The following WDR33 variants were observed in gnomAD, a reference collection of about 807,000 sequenced individuals.
The protein encoded by WDR33 is pre-mRNA 3' end processing protein WDR33.
In WDR33, 47 loss-of-function variants were observed where a neutral mutation model predicts 164.9. The ratio of observed to expected loss-of-function variants is 0.29; its 90% CI spans 0.23 to 0.36. The LOEUF (loss-of-function observed/expected upper bound fraction) is 0.36, where lower values mean the gene tolerates loss of function less well. Among genes scored for constraint, WDR33 ranks in the 10% least tolerant of loss-of-function variants. The probability of loss-of-function intolerance (pLI) is 1.00; values close to 1 mark genes in which losing one functional copy is unlikely to be tolerated. For synonymous variants in WDR33, 505 were observed against 589.0 expected (o/e 0.86, Z 2.06); for missense variants, 1,137 against 1,754.1 (o/e 0.65, Z 6.28).
At chr2:127,730,329 G>A (rs1001964690) in intron 7 of WDR33, among the ~76,000 whole-genome samples, 1 of 152,054 alleles carries the variant, frequency 6.6e-6, no homozygotes, top group Non-Finnish European at 1.5e-5. Flanking sequence ...TCTTCAGGAA[G>A]AAGTGACTGA....
Position 127,763,253 on chromosome 2 carries a change from C to A in WDR33, c.627-94G>T, listed in dbSNP as rs1045235052. 2.0e-5 allele frequency: 31 copies of A among 1,581,820 alleles called. No individual in the cohort carries two copies. In the African/African-American group the frequency reaches 3.7e-4, roughly 19 times the overall value. On this transcript the variant is annotated intron_variant, in intron 6 of 21. Transcript: ENST00000322313. The surrounding 1 kb of genome is among the most constrained non-coding windows in gnomAD (Gnocchi z 4.5). Reference sequence around the variant, plus strand: ...AGGGAAAAATAAAAACACTGTGCTGCATTATAAACAGGAGAGGGAAGAATC... The same window carrying A: ...AGGGAAAAATAAAAACACTGTGCTGAATTATAAACAGGAGAGGGAAGAATC...
chr2:127,802,595 T>A (rs1416743060), intron 1 of WDR33, among the ~76,000 whole-genome samples: 3 of 152,302 alleles, frequency 2.0e-5, no homozygotes, highest in Non-Finnish European at 2.9e-5. Flanking sequence ...ACTTTTTCAA[T>A]ATAGTATTTA....
At position 127,719,970 on chromosome 2, in the gene WDR33, G is replaced by A. The variant is rs753786703; in HGVS notation, c.2055C>T (p.Gly685=). ...CAGGTGGCCCTTGAGGTCCCAAAGGGCCATGAGGTCCAGGATGCCTCTGCA... is the reference window on the plus strand; with the variant it reads ...CAGGTGGCCCTTGAGGTCCCAAAGGACCATGAGGTCCAGGATGCCTCTGCA... The part of the protein sequence containing the change: ...QGMQRHPGPH[G]PLGPQGPPGP... Residue 685 remains glycine (G), a synonymous_variant, in exon 16 of 22, where the codon GGC becomes GGT. Coordinates refer to ENST00000322313, the MANE Select transcript of WDR33 (RefSeq NM_018383.5). The surrounding 1 kb of genome is among the most constrained non-coding windows in gnomAD (Gnocchi z 6.5). 17 of 1,613,806 alleles carry A rather than the reference G, an allele frequency of 1.1e-5. No homozygotes were observed. In the African/African-American group the frequency reaches 2.1e-4, roughly 20 times the overall value.
rs1687955414 is a variant in WDR33, at chr2:127,770,177, C to T, written c.204+601G>A. 6.6e-6 allele frequency among the ~76,000 whole-genome samples: 1 copy of T among 152,180 alleles called. No individual in the cohort carries two copies. Among genetic ancestry groups the T allele is most frequent in the Admixed American group, 6.5e-5 (1 of 15,276 alleles). ...TAAGACTGGCCTAGCGATTAAAGTA[C>T]TCCCTTCTAATTTGTGAACTTTTAG... On this transcript the variant is annotated intron_variant, in intron 2 of 21. Transcript: ENST00000322313. The surrounding 1 kb of genome is among the most constrained non-coding windows in gnomAD (Gnocchi z 4.9).
At chr2:127,810,947 C>T (rs1337634032) in intron 1 of WDR33, 65 bp downstream of exon 1, 4 of 152,766 alleles carry the variant, frequency 2.6e-5, no homozygotes, top group Non-Finnish European at 4.4e-5. Flanking sequence ...CGGCCGAGCC[C>T]GAAAATGGCG....
intron 1 of WDR33, among the ~76,000 whole-genome samples, chr2:127,795,345 C>T (rs1423280566): frequency 6.6e-6 from 1 of 151,788 alleles, no homozygotes. Flanking sequence ...GTGATCTGCC[C>T]ACCTCAGCCT....
At chr2:127,750,539 C>T (rs951677583) in intron 7 of WDR33, among the ~76,000 whole-genome samples, 1 of 147,632 alleles carries the variant, frequency 6.8e-6, no homozygotes, top group Admixed American at 6.8e-5. Context: ...CCCAGCTACC[C>T]GAGAGGCTGA....
At chr2:127,792,217 G>A (rs1456253620) in intron 1 of WDR33, among the ~76,000 whole-genome samples, 1 of 151,834 alleles carries the variant, frequency 6.6e-6, no homozygotes, top group East Asian at 1.9e-4. Flanking sequence ...GGGATTACAA[G>A]CGTGAGCCAC....
rs1186001202 is a variant in WDR33, at chr2:127,708,665, G to T, written c.3781+12C>A. 1 of 1,585,846 alleles carries T rather than the reference G, an allele frequency of 6.3e-7. No homozygotes were observed. The highest frequency in any genetic ancestry group is 2.2e-5 in the East Asian group (1 of 44,496). On this transcript the variant is annotated intron_variant, in intron 21 of 21. Coordinates refer to ENST00000322313, the MANE Select transcript of WDR33 (RefSeq NM_018383.5). The surrounding 1 kb of genome is among the most constrained non-coding windows in gnomAD (Gnocchi z 6.7). ...GCATCTCCTGGAACCATAACCACTG[G>T]CCTGCTCTTACCTTTGCCTCCTCGG...
At position 127,726,457 on chromosome 2, in the gene WDR33, A is replaced by G. The variant is rs116955025; in HGVS notation, c.851+194T>C. 0.026 allele frequency among the ~76,000 whole-genome samples: 3,923 copies of G among 152,314 alleles called. 167 individuals carry two copies. Among genetic ancestry groups the G allele is most frequent in the South Asian group, 0.17 (826 of 4,822 alleles). On this transcript the variant is annotated intron_variant, in intron 8 of 21. Coordinates refer to ENST00000322313, the MANE Select transcript of WDR33 (RefSeq NM_018383.5). The surrounding 1 kb of genome is among the most constrained non-coding windows in gnomAD (Gnocchi z 4.8). ...TAAACTTAGGTCTATGTGGCAGGACAAAAACAAGCCTTACTTCATTAAGAG... is the reference window on the plus strand; with the variant it reads ...TAAACTTAGGTCTATGTGGCAGGACGAAAACAAGCCTTACTTCATTAAGAG...
intron 1 of WDR33, among the ~76,000 whole-genome samples, chr2:127,772,959 C>CAAAAA (rs72149745): frequency 1.7e-5 from 2 of 117,202 alleles, no homozygotes; most frequent in South Asian, 5.1e-4. Context: ...TCCATCTCTA[C>CAAAAA]AAAAAAAAAA....
chr2:127,757,826 T>C (rs1687563653), intron 7 of WDR33, among the ~76,000 whole-genome samples: 1 of 152,208 alleles, frequency 6.6e-6, no homozygotes, highest in Admixed American at 6.5e-5. Context: ...AAATGTGTCT[T>C]CACACAGTTC....
intron 8 of WDR33, among the ~76,000 whole-genome samples, chr2:127,725,517 A>G (rs1278816373): frequency 6.6e-6 from 1 of 152,106 alleles, no homozygotes; most frequent in Non-Finnish European, 1.5e-5. Context: ...CGAGTGGATC[A>G]CCTGAGGTCA....
chr2:127,777,648 C>T (rs1447803972), intron 1 of WDR33, among the ~76,000 whole-genome samples: 1 of 152,126 alleles, frequency 6.6e-6, no homozygotes, highest in Non-Finnish European at 1.5e-5. Flanking sequence ...TTTTTTGAGA[C>T]AGGGTCTTGC....
intron 1 of WDR33, among the ~76,000 whole-genome samples, chr2:127,785,507 T>C (rs554104148): frequency 6.6e-6 from 1 of 152,352 alleles, no homozygotes; most frequent in East Asian, 1.9e-4. Context: ...GGCTATTTAC[T>C]CATCTTTTTA....
intron 1 of WDR33, among the ~76,000 whole-genome samples, chr2:127,807,081 T>C (rs1172330237): frequency 6.6e-6 from 1 of 152,170 alleles, no homozygotes; most frequent in Non-Finnish European, 1.5e-5. Flanking sequence ...CTCAGCTCAC[T>C]GCAACCTCCG....
chr2:127,736,875 T>A, intron 7 of WDR33: 2 of 985,426 alleles, frequency 2.0e-6, no homozygotes, highest in Non-Finnish European at 2.4e-6. Context: ...AACAGGAAAG[T>A]GCACAATTTC....
intron 1 of WDR33, among the ~76,000 whole-genome samples, chr2:127,779,719 A>G (rs1409728010): frequency 6.6e-6 from 1 of 152,172 alleles, no homozygotes; most frequent in Non-Finnish European, 1.5e-5. Flanking sequence ...ATCCATAGCC[A>G]AAGAAGATCA....
chr2:127,717,056 T>C lies in WDR33; in HGVS notation c.2869+99A>G. ...CCCTTATTTTGCCCAGAGGTTCAAA[T>C]GACCAGTCTATCAATGACTGGCCAA... On this transcript the variant is annotated intron_variant, in intron 17 of 21. Coordinates refer to ENST00000322313, the MANE Select transcript of WDR33 (RefSeq NM_018383.5). The surrounding 1 kb of genome is among the most constrained non-coding windows in gnomAD (Gnocchi z 5.6). 1.6e-6 allele frequency: 2 copies of C among 1,243,902 alleles called. No homozygotes were observed. Among genetic ancestry groups the C allele is most frequent in the East Asian group, 2.5e-5 (1 of 39,222 alleles). 77.1% of individuals were successfully genotyped at this position (1,243,902 alleles called of 1,614,324 possible). A position where few individuals can be genotyped will look rare whatever the true frequency, so the allele number is the denominator to read the frequency against.
Sources: gnomAD v4.1 joint callset for allele counts (sites outside exome capture counted in the v4.1 genomes callset) on GRCh38, gnomAD v4.1.1 for gene constraint, Gnocchi (gnomAD v3.1) non-coding constraint, MANE v1.5 for transcripts, NCBI Gene and HGNC (gene_info 2026-07-23, HGNC 2026-07-21) for gene names.